The following F8 variants were observed in gnomAD, a reference collection of about 807,000 sequenced individuals.
F8 encodes coagulation factor VIII.
In F8, 12 loss-of-function variants were observed where a neutral mutation model predicts 140.6. The observed-to-expected ratio is 0.09, with a 90% confidence interval of 0.05 to 0.14. F8 has a LOEUF of 0.14. F8 is among the 10% of genes least tolerant of loss of function. The probability of loss-of-function intolerance (pLI) is 1.00; values close to 1 mark genes in which losing one functional copy is unlikely to be tolerated. For missense variants in F8, 1,354 were observed against 1,720.7 expected (o/e 0.79, Z 3.77); for synonymous variants, 585 against 614.6 (o/e 0.95, Z 0.71).
chrX:154,998,013 G>A (rs186077689), intron 2 of F8, among the ~76,000 whole-genome samples: 218 of 112,560 alleles, frequency 1.9e-3, no homozygotes, highest in African/African-American at 6.6e-3. Context: ...TCTGTTGAAT[G>A]AACTGGATTG....
intron 11 of F8, among the ~76,000 whole-genome samples, chrX:154,955,016 C>A (rs1328623642): frequency 2.7e-5 from 3 of 110,137 alleles, no homozygotes; most frequent in Non-Finnish European, 5.7e-5. Context: ...ATTCTGGGGC[C>A]GAGCAATGAG....
At chrX:154,934,179 A>C (rs1419156563) in intron 13 of F8, among the ~76,000 whole-genome samples, 2 of 112,397 alleles carry the variant, frequency 1.8e-5, no homozygotes, top group Non-Finnish European at 3.8e-5. Context: ...GAAACCACAA[A>C]ATAGAAGTAT....
chrX:154,954,163 C>A, intron 11 of F8, 121 bp from the exon 12 acceptor site: 1 of 766,689 alleles, frequency 1.3e-6, no homozygotes, highest in Non-Finnish European at 2.0e-6. Flanking sequence ...TGGTTTAATT[C>A]CATTTCCTCT....
intron 9 of F8, among the ~76,000 whole-genome samples, chrX:154,965,544 C>T (rs1266015472): frequency 9.0e-6 from 1 of 111,361 alleles, no homozygotes; most frequent in Non-Finnish European, 1.9e-5. Context: ...CACATATTCT[C>T]TTGCTCCTCC....
chrX:154,865,285 C>CT (rs1251963811), intron 22 of F8, among the ~76,000 whole-genome samples: 1 of 110,216 alleles, frequency 9.1e-6, no homozygotes, highest in East Asian at 2.8e-4. Flanking sequence ...CAAACAAAAA[C>CT]TGAGGGGGTT....
intron 24 of F8, 84 bp from the exon 25 acceptor site, chrX:154,860,692 G>A: frequency 1.1e-6 from 1 of 908,092 alleles, no homozygotes; most frequent in South Asian, 2.0e-5. Flanking sequence ...CCATACCACA[G>A]CACTTCTCAC....
At chrX:154,995,916 C>A (rs2073614446) in intron 3 of F8, among the ~76,000 whole-genome samples, 1 of 111,077 alleles carries the variant, frequency 9.0e-6, no homozygotes, top group Admixed American at 9.6e-5. Context: ...GCAGTATAGA[C>A]TCTATGGTTG....
intron 22 of F8, 108 bp from the exon 23 acceptor site, chrX:154,863,335 A>G: frequency 1.4e-6 from 1 of 704,660 alleles, no homozygotes; most frequent in Non-Finnish European, 2.2e-6. Context: ...TCTCAACAGC[A>G]TCCAACATCT....
At chrX:154,909,120 C>A in intron 14 of F8, 1 of 279,999 alleles carries the variant, frequency 3.6e-6, no homozygotes. Flanking sequence ...CCACATTGTC[C>A]CCAAGAAGAG....
intron 10 of F8, among the ~76,000 whole-genome samples, chrX:154,959,998 G>A (rs1275241884): frequency 8.9e-6 from 1 of 112,018 alleles, no homozygotes; most frequent in Admixed American, 9.5e-5. Context: ...AAAAGTAAAG[G>A]AATGGCTAGC....
chrX:154,839,424 A>G lies in F8; in HGVS notation c.6901-1672T>C, dbSNP rs782024885. 5.7e-4 allele frequency among the ~76,000 whole-genome samples: 59 copies of G among 103,070 alleles called. No individual in the cohort carries two copies. The East Asian group carries it at 6.2e-3, about 11-fold the overall frequency. The allele number at this position is 103,070 out of a possible 115,157, so 89.5% of individuals were successfully genotyped here. A position where few individuals can be genotyped will look rare whatever the true frequency, so the allele number is the denominator to read the frequency against. ...GTCGCCCAGGCTGGAGTGCAGTGGC[A>G]CCATCTCGGCTCACTGCAAGCTCCG... On this transcript the variant is annotated intron_variant, in intron 25 of 25. Coordinates refer to ENST00000360256, the MANE Select transcript of F8 (RefSeq NM_000132.4).
chrX:154,947,118 G>A (rs900610360), intron 13 of F8, among the ~76,000 whole-genome samples: 16 of 107,438 alleles, frequency 1.5e-4, no homozygotes, highest in South Asian at 4.1e-4. Flanking sequence ...CCAGCTACTC[G>A]GGAGGCTGAG....
chrX:154,979,332 T>G (rs1557283300), intron 6 of F8, among the ~76,000 whole-genome samples: 1 of 110,937 alleles, frequency 9.0e-6, no homozygotes, highest in Non-Finnish European at 1.9e-5. Flanking sequence ...CAGGAGGTGC[T>G]CAGGTGCCAC....
chrX:154,928,962 C>G lies in F8; in HGVS notation c.4828G>C (p.Ala1610Pro). The G allele has an allele frequency of 3.3e-6, 4 of 1,211,509 alleles. No homozygotes were observed. In the South Asian group the frequency reaches 7.0e-5, roughly 21 times the overall value. ...AAAATGGTATCCTTTTTCTTAAAAG[C>G]TGTTTTTTCTGGTGACTTCTCTTGG... is the stretch of plus-strand genomic sequence containing the variant. The part of the protein sequence containing the change: ...KSQEKSPEKT[A>P]FKKKDTILSL... The change falls in exon 14 of 26, where the codon GCT (alanine) becomes CCT (proline). Residue 1610 changes from alanine to proline, a missense_variant. Ala to Pro is a conservative substitution (Grantham distance 27, BLOSUM62 -1). This residue lies in a region of F8 where 658 missense variants were observed against 666.5 expected (regional missense o/e 0.99). Transcript: ENST00000360256.
Position 154,875,822 on chromosome X carries a change from G to A in F8, c.6430-12595C>T, listed in dbSNP as rs2072808123. On this transcript the variant is annotated intron_variant, in intron 22 of 25. Transcript: ENST00000360256. ...GTGGGCATTAATGAATGATCCCACT[G>A]TATGAATTAATGAGACACGTTAGTA... Among the ~76,000 whole-genome samples, 4 of 109,812 alleles carry A rather than the reference G, an allele frequency of 3.6e-5. No individual in the cohort carries two copies. The Admixed American group carries it at 3.9e-4, about 11-fold the overall frequency.
At chrX:154,841,208 CTTTTTTT>C (rs1168917544) in intron 25 of F8, among the ~76,000 whole-genome samples, 18 of 48,693 alleles carry the variant, frequency 3.7e-4, no homozygotes, top group East Asian at 6.6e-4. Flanking sequence ...TTGCTTTCTT[CTTTTTTT>C]TTTTTTTTTT....
intron 14 of F8, among the ~76,000 whole-genome samples, chrX:154,922,291 C>A (rs2073136141): frequency 8.9e-6 from 1 of 112,152 alleles, no homozygotes; most frequent in Admixed American, 9.4e-5. Context: ...TGACACGATT[C>A]CATATAATCA....
chrX:154,991,810 C>G (rs1253594011), intron 4 of F8, among the ~76,000 whole-genome samples: 2 of 111,641 alleles, frequency 1.8e-5, no homozygotes, highest in Non-Finnish European at 3.8e-5. Context: ...CGCTCCCATC[C>G]TTTTTTTGAA....
chrX:154,926,477 G>A (rs935104234), intron 14 of F8, among the ~76,000 whole-genome samples: 7 of 111,702 alleles, frequency 6.3e-5, no homozygotes, highest in Non-Finnish European at 1.1e-4. Context: ...CCCAGTTCAA[G>A]CGATTCTCGT....
Sources: allele counts gnomAD v4.1 joint callset (sites outside exome capture counted in the v4.1 genomes callset), GRCh38; gene constraint gnomAD v4.1.1; regional missense constraint gnomAD v4.1.1; transcripts MANE v1.5; gene names NCBI Gene and HGNC (gene_info 2026-07-23, HGNC 2026-07-21).